The following SLC44A5 variants were observed in gnomAD, a reference collection of about 807,000 sequenced individuals.
The protein encoded by SLC44A5 is choline transporter-like protein 5.
In SLC44A5, 57 loss-of-function variants were observed where a neutral mutation model predicts 101.8. That is an observed-to-expected ratio of 0.56 (90% CI 0.45 to 0.70). SLC44A5 has a LOEUF of 0.70. Ranked by LOEUF, SLC44A5 falls within the 30% of genes least tolerant of loss-of-function variation. The pLI is 0.00. For missense variants in SLC44A5, 737 were observed against 853.1 expected (o/e 0.86, Z 1.70); for synonymous variants, 281 against 290.9 (o/e 0.97, Z 0.35).
chr1:75,611,114 T>C lies in SLC44A5; in HGVS notation c.-144A>G, dbSNP rs1675637656. 1.0e-6 allele frequency: 1 copy of C among 985,092 alleles called. No individual in the cohort carries two copies. The highest frequency in any genetic ancestry group is 1.7e-5 in the African/African-American group (1 of 57,286). The allele number at this position is 985,092 out of a possible 1,614,324, so 61.0% of individuals were successfully genotyped here. A position where few individuals can be genotyped will look rare whatever the true frequency, so the allele number is the denominator to read the frequency against. ...ACTCTAACATGCTACGATTCACTACTGTGAAAAAAAAGCTGATGTCATAAA... is the reference window on the plus strand; with the variant it reads ...ACTCTAACATGCTACGATTCACTACCGTGAAAAAAAAGCTGATGTCATAAA... On this transcript the variant is annotated 5_prime_UTR_variant, in exon 1 of 24. Transcript: ENST00000370859.
In SLC44A5 at chr1:75,351,081, A is replaced by T. The variant is rs534206860; in HGVS notation, c.53-11451T>A. Among the ~76,000 whole-genome samples the T allele has an allele frequency of 1.9e-3, 281 of 151,282 alleles. 2 individuals carry two copies. The highest frequency in any genetic ancestry group is 3.3e-3 in the Non-Finnish European group (226 of 67,646). On this transcript the variant is annotated intron_variant, in intron 3 of 23. Coordinates refer to ENST00000370859, the MANE Select transcript of SLC44A5 (RefSeq NM_001130058.2). The stretch of plus-strand genomic sequence containing the variant: ...GGTTTTGCCATTGAAAGTACAGCAA[A>T]ACTCGCAATTACTTTTGCACCAACC...
chr1:75,232,820 A>G (rs966923722), intron 12 of SLC44A5, among the ~76,000 whole-genome samples: 4 of 152,172 alleles, frequency 2.6e-5, no homozygotes, highest in Non-Finnish European at 5.9e-5. Context: ...ACAAACTTCC[A>G]AAGTTACCCA....
intron 1 of SLC44A5, among the ~76,000 whole-genome samples, chr1:75,566,929 C>T (rs1393978682): frequency 6.6e-6 from 1 of 152,182 alleles, no homozygotes. Flanking sequence ...TGTCCAAGAT[C>T]AGAACTGTAA....
chr1:75,237,255 G>C (rs1648175127), intron 10 of SLC44A5, among the ~76,000 whole-genome samples, 185 bp from the exon 11 acceptor site: 1 of 152,070 alleles, frequency 6.6e-6, no homozygotes, highest in Non-Finnish European at 1.5e-5. Flanking sequence ...AACCTGCAAA[G>C]GTAGCTATAG....
chr1:75,314,082 A>T (rs1655511778), intron 4 of SLC44A5, among the ~76,000 whole-genome samples: 1 of 152,210 alleles, frequency 6.6e-6, no homozygotes, highest in Admixed American at 6.5e-5. Context: ...TTTACTTTAT[A>T]GTTTAAATAA....
intron 2 of SLC44A5, among the ~76,000 whole-genome samples, chr1:75,502,552 G>T (rs1356758977): frequency 6.8e-6 from 1 of 147,734 alleles, no homozygotes; most frequent in Non-Finnish European, 1.5e-5. Flanking sequence ...TTTTTTATTT[G>T]TTTATTTTTT....
the SLC44A5 span, among the ~76,000 whole-genome samples, chr1:75,716,625 A>C: frequency 6.6e-6 from 1 of 152,214 alleles, no homozygotes; most frequent in Non-Finnish European, 1.5e-5. Flanking sequence ...ACCCAAAGGA[A>C]TATACATCAT....
the SLC44A5 span, among the ~76,000 whole-genome samples, chr1:75,664,675 A>C: frequency 2.0e-5 from 3 of 152,298 alleles, no homozygotes; most frequent in South Asian, 4.1e-4. Flanking sequence ...TAATCCCAGC[A>C]CTTTGGGAGG....
intron 2 of SLC44A5, among the ~76,000 whole-genome samples, chr1:75,512,938 G>C (rs984640953): frequency 9.2e-5 from 14 of 152,160 alleles, no homozygotes; most frequent in African/African-American, 3.4e-4. Context: ...GCTGATCATA[G>C]TATTCGGGAC....
the SLC44A5 span, among the ~76,000 whole-genome samples, chr1:75,683,458 G>C: frequency 6.6e-6 from 1 of 151,852 alleles, no homozygotes; most frequent in South Asian, 2.1e-4. Flanking sequence ...CCTTTGTAGG[G>C]ACATGGATGA....
At chr1:75,583,139 G>A (rs1220076421) in intron 1 of SLC44A5, among the ~76,000 whole-genome samples, 1 of 152,182 alleles carries the variant, frequency 6.6e-6, no homozygotes, top group African/African-American at 2.4e-5. Context: ...AAGAGAAGCT[G>A]TGAGAAGACA....
chr1:75,328,785 T>G (rs758189429), intron 4 of SLC44A5, among the ~76,000 whole-genome samples: 2 of 152,222 alleles, frequency 1.3e-5, no homozygotes, highest in Admixed American at 1.3e-4. Context: ...CAAAGTGTCT[T>G]CCATCCTAGT....
intron 2 of SLC44A5, among the ~76,000 whole-genome samples, chr1:75,420,044 G>A (rs1406254479): frequency 1.3e-5 from 2 of 152,080 alleles, no homozygotes; most frequent in African/African-American, 2.4e-5. Context: ...TGGGGGCAGA[G>A]CCTTCATGAA....
In SLC44A5 at chr1:75,203,712, G is replaced by C. The variant is rs527843206; in HGVS notation, c.*15C>G. The C allele has an allele frequency of 7.8e-6, 12 of 1,546,642 alleles. No homozygotes were observed. The East Asian group carries it at 2.5e-4, about 32-fold the overall frequency. On this transcript the variant is annotated 3_prime_UTR_variant, in exon 24 of 24. Transcript: ENST00000370859. ...AAAAGGTAACACACAGCTGTAGGACGACCAGTTTGCTCTTCTACTGCTTCC... is the reference window on the plus strand; with the variant it reads ...AAAAGGTAACACACAGCTGTAGGACCACCAGTTTGCTCTTCTACTGCTTCC...
intron 3 of SLC44A5, among the ~76,000 whole-genome samples, chr1:75,355,588 G>A (rs555606651): frequency 6.6e-6 from 1 of 152,242 alleles, no homozygotes; most frequent in South Asian, 2.1e-4. Flanking sequence ...TTAGAGTTAT[G>A]CATCACATAA....
At chr1:75,361,872 G>T (rs140191767) in intron 3 of SLC44A5, among the ~76,000 whole-genome samples, 1 of 152,124 alleles carries the variant, frequency 6.6e-6, no homozygotes, top group African/African-American at 2.4e-5. Flanking sequence ...AATGAGTTTG[G>T]AGGTATTCCA....
the SLC44A5 span, among the ~76,000 whole-genome samples, chr1:75,693,184 CAGTT>C: frequency 1.3e-5 from 2 of 152,190 alleles, no homozygotes; most frequent in East Asian, 3.9e-4. Flanking sequence ...GGAGGCTGGA[CAGTT>C]AGTCAGGAAT....
intron 23 of SLC44A5, among the ~76,000 whole-genome samples, chr1:75,210,884 T>C (rs1033771515): frequency 2.6e-5 from 4 of 152,198 alleles, no homozygotes; most frequent in Admixed American, 6.6e-5. Context: ...TTATCCAACT[T>C]TATTGAGATA....
chr1:75,337,613 G>T (rs937102605), intron 4 of SLC44A5, among the ~76,000 whole-genome samples: 1 of 152,098 alleles, frequency 6.6e-6, no homozygotes, highest in African/African-American at 2.4e-5. Context: ...TTGTGAAAAG[G>T]GCCTGGGGAA....
Sources: allele counts gnomAD v4.1 joint callset (sites outside exome capture counted in the v4.1 genomes callset), GRCh38; gene constraint gnomAD v4.1.1; transcripts MANE v1.5; gene names NCBI Gene and HGNC (gene_info 2026-07-23, HGNC 2026-07-21).